TRAPPC9: variants seen among roughly 807,000 people sequenced by gnomAD.
TRAPPC9 encodes the protein trafficking protein particle complex subunit 9, also known as IKK2 binding protein.
Under a neutral mutation model 124.0 loss-of-function variants are expected in TRAPPC9, and 83 were observed. The ratio of observed to expected loss-of-function variants is 0.67; its 90% CI spans 0.56 to 0.80. TRAPPC9 has a LOEUF of 0.80. Among genes scored for constraint, TRAPPC9 ranks in the 30% least tolerant of loss-of-function variants. The pLI, the probability that TRAPPC9 is intolerant of heterozygous loss-of-function variation, is 0.00. For missense variants in TRAPPC9, 1,302 were observed against 1,508.3 expected (o/e 0.86, Z 2.27); for synonymous variants, 638 against 617.5 (o/e 1.03, Z -0.49).
At chr8:139,854,970 G>A (rs1318660049) in intron 21 of TRAPPC9, among the ~76,000 whole-genome samples, 1 of 152,196 alleles carries the variant, frequency 6.6e-6, no homozygotes, top group Non-Finnish European at 1.5e-5. Context: ...CTTGGCATGG[G>A]CTGGCTCCTT....
At chr8:140,365,566 C>T (rs919540910) in intron 8 of TRAPPC9, among the ~76,000 whole-genome samples, 2 of 152,238 alleles carry the variant, frequency 1.3e-5, no homozygotes, top group Non-Finnish European at 2.9e-5. Context: ...AACAGCGCCC[C>T]TTCATCTGAA....
intron 17 of TRAPPC9, among the ~76,000 whole-genome samples, chr8:140,209,847 T>A (rs780310544): frequency 1.3e-5 from 2 of 152,202 alleles, no homozygotes; most frequent in Non-Finnish European, 2.9e-5. Context: ...CCATAATAAG[T>A]TGGGAAACTT....
At chr8:139,738,580 G>T (rs1033470413) in intron 21 of TRAPPC9, among the ~76,000 whole-genome samples, 2 of 152,182 alleles carry the variant, frequency 1.3e-5, no homozygotes, top group Non-Finnish European at 2.9e-5. Flanking sequence ...GGCACCCCAG[G>T]AGCTGGAGAA....
chr8:140,382,520 G>A (rs938934026), intron 7 of TRAPPC9, among the ~76,000 whole-genome samples: 3 of 151,384 alleles, frequency 2.0e-5, no homozygotes, highest in Non-Finnish European at 4.4e-5. Context: ...AGGGTCCCAC[G>A]CCCGGCTGGG....
chr8:140,026,814 C>T (rs918625431), intron 17 of TRAPPC9, among the ~76,000 whole-genome samples: 1 of 152,150 alleles, frequency 6.6e-6, no homozygotes, highest in Non-Finnish European at 1.5e-5. Context: ...TATTACTACT[C>T]GACAGCCCAA....
At chr8:140,067,956 A>G (rs1244550957) in intron 17 of TRAPPC9, among the ~76,000 whole-genome samples, 1 of 152,212 alleles carries the variant, frequency 6.6e-6, no homozygotes, top group Admixed American at 6.5e-5. Flanking sequence ...CCACACCTGC[A>G]GTGTCTGAGC....
intron 18 of TRAPPC9, among the ~76,000 whole-genome samples, chr8:140,017,827 C>T (rs758075476): frequency 1.3e-5 from 2 of 152,138 alleles, no homozygotes; most frequent in Admixed American, 1.3e-4. Context: ...AAAACTAATT[C>T]TTCCAATCAC....
At chr8:139,901,887 T>G (rs1026075292) in intron 20 of TRAPPC9, among the ~76,000 whole-genome samples, 2 of 152,188 alleles carry the variant, frequency 1.3e-5, no homozygotes, top group Non-Finnish European at 2.9e-5. Context: ...TGGATAAAAC[T>G]ACTTCAGAGA....
At chr8:139,895,332 T>C (rs998612392) in intron 20 of TRAPPC9, among the ~76,000 whole-genome samples, 3 of 152,050 alleles carry the variant, frequency 2.0e-5, no homozygotes, top group African/African-American at 7.2e-5. Flanking sequence ...TCCCAAGATA[T>C]GCAGTAAGTG....
chr8:139,764,693 C>T lies in TRAPPC9; in HGVS notation c.3056-32491G>A, dbSNP rs59941999. ...ATGACCGGAAACCCCAAGTTGGAGG[C>T]GTCCCTGTCCTGGTGTGTACGTAGG... On this transcript the variant is annotated intron_variant, in intron 21 of 22. Coordinates refer to ENST00000438773, the MANE Select transcript of TRAPPC9 (RefSeq NM_001160372.4). Among the ~76,000 whole-genome samples, 53 of 152,216 alleles carry T rather than the reference C, an allele frequency of 3.5e-4. No homozygotes were observed. In the East Asian group the frequency reaches 4.6e-3, roughly 13 times the overall value.
chr8:140,253,515 A>T (rs1318840692), intron 15 of TRAPPC9, among the ~76,000 whole-genome samples: 1 of 152,098 alleles, frequency 6.6e-6, no homozygotes, highest in East Asian at 1.9e-4. Context: ...CCATCTCTAC[A>T]AAAAAATACA....
At chr8:139,927,454 C>T (rs1832883141) in intron 19 of TRAPPC9, among the ~76,000 whole-genome samples, 1 of 151,976 alleles carries the variant, frequency 6.6e-6, no homozygotes, top group Admixed American at 6.6e-5. Flanking sequence ...TTATGTTGTC[C>T]AGGTTGGTCT....
At chr8:140,047,414 C>T (rs537251221) in intron 17 of TRAPPC9, among the ~76,000 whole-genome samples, 3 of 152,364 alleles carry the variant, frequency 2.0e-5, no homozygotes, top group African/African-American at 4.8e-5. Flanking sequence ...GCGGAGGCCC[C>T]GCTGGCACCG....
At chr8:140,057,101 G>A (rs534144123) in intron 17 of TRAPPC9, among the ~76,000 whole-genome samples, 39 of 152,234 alleles carry the variant, frequency 2.6e-4, no homozygotes, top group African/African-American at 8.2e-4. Flanking sequence ...GCTCAGCCTC[G>A]TAAGTAATTA....
chr8:139,980,229 C>T lies in TRAPPC9; in HGVS notation c.2810+8497G>A, dbSNP rs148114520. ...AGTGTTGTCCTCTGCCTAAACGGGC[C>T]CAGCTACCAATGTTACACCTCGGAC... On this transcript the variant is annotated intron_variant, in intron 19 of 22. Transcript: ENST00000438773. 3.2e-3 allele frequency among the ~76,000 whole-genome samples: 490 copies of T among 152,256 alleles called. 2 individuals are homozygous for T. The highest frequency in any genetic ancestry group is 0.011 in the African/African-American group (460 of 41,540).
chr8:140,174,117 T>A (rs1563818008), intron 17 of TRAPPC9, among the ~76,000 whole-genome samples: 1 of 152,172 alleles, frequency 6.6e-6, no homozygotes, highest in Non-Finnish European at 1.5e-5. Context: ...TTTGAGGATT[T>A]TTTTTTAATT....
intron 16 of TRAPPC9, among the ~76,000 whole-genome samples, chr8:140,232,088 A>G (rs1563866803): frequency 6.6e-6 from 1 of 151,342 alleles, no homozygotes. Flanking sequence ...TTTTTTAAAA[A>G]AACATCTTAA....
chr8:140,156,075 G>C (rs1384399719), intron 17 of TRAPPC9, among the ~76,000 whole-genome samples: 1 of 152,190 alleles, frequency 6.6e-6, no homozygotes, highest in African/African-American at 2.4e-5. Context: ...CTGAGCCTCA[G>C]CTCACTCCTT....
At chr8:139,915,539 G>A (rs533154697) in intron 19 of TRAPPC9, among the ~76,000 whole-genome samples, 2 of 152,128 alleles carry the variant, frequency 1.3e-5, no homozygotes, top group African/African-American at 2.4e-5. Context: ...GAGCCACCAC[G>A]CCAGCCTTGT....
Sources: allele counts gnomAD v4.1 joint callset (sites outside exome capture counted in the v4.1 genomes callset), GRCh38; gene constraint gnomAD v4.1.1; transcripts MANE v1.5; gene names NCBI Gene and HGNC (gene_info 2026-07-23, HGNC 2026-07-21).